The following PITPNC1 variants were observed in gnomAD, a reference collection of about 807,000 sequenced individuals.
The protein encoded by PITPNC1 is cytoplasmic phosphatidylinositol transfer protein 1.
Under a neutral mutation model 44.7 loss-of-function variants are expected in PITPNC1, and 18 were observed. The ratio of observed to expected loss-of-function variants is 0.40; its 90% CI spans 0.28 to 0.60. The LOEUF is 0.60. Among genes scored for constraint, PITPNC1 ranks in the 20% least tolerant of loss-of-function variants. The pLI, the probability that PITPNC1 is intolerant of heterozygous loss-of-function variation, is 0.39. For synonymous variants in PITPNC1, 141 were observed against 149.6 expected (o/e 0.94, Z 0.42); for missense variants, 290 against 418.4 (o/e 0.69, Z 2.68).
intron 5 of PITPNC1, among the ~76,000 whole-genome samples, chr17:67,608,317 GGCCTGAGCCCATGTGT>G (rs2041639712): frequency 6.6e-6 from 1 of 150,448 alleles, no homozygotes; most frequent in Non-Finnish European, 1.5e-5. Context: ...GCAGGAGAAT[GGCCTGAGCCCATGTGT>G]TCAAGTCCAA....
chr17:67,635,375 C>T (rs2042020932), intron 6 of PITPNC1, among the ~76,000 whole-genome samples: 1 of 152,030 alleles, frequency 6.6e-6, no homozygotes, highest in Admixed American at 6.6e-5. Context: ...ATTGGGATGG[C>T]CTTAAGGATT....
intron 2 of PITPNC1, among the ~76,000 whole-genome samples, chr17:67,536,472 C>T (rs1233299691): frequency 1.3e-5 from 2 of 152,146 alleles, no homozygotes; most frequent in African/African-American, 4.8e-5. Flanking sequence ...AATGATCCAC[C>T]AGCCTCGGCC....
chr17:67,672,787 C>T lies in PITPNC1; in HGVS notation c.619-2692C>T, dbSNP rs78911369. On this transcript the variant is annotated intron_variant, in intron 7 of 8. Transcript: ENST00000581322. ...GGAAGTGTTATTGACACTCCAGAAA[C>T]GCACCTGCTCTCGCACGTGAGTCGC... is the stretch of plus-strand genomic sequence containing the variant. 8.1e-3 allele frequency among the ~76,000 whole-genome samples: 1,239 copies of T among 152,094 alleles called. 22 individuals are homozygous for T. Among genetic ancestry groups the T allele is most frequent in the African/African-American group, 0.028 (1,155 of 41,470 alleles).
intron 8 of PITPNC1, among the ~76,000 whole-genome samples, chr17:67,680,984 A>G (rs1244186418): frequency 6.6e-6 from 1 of 152,192 alleles, no homozygotes; most frequent in Non-Finnish European, 1.5e-5. Flanking sequence ...ATAAAGTATA[A>G]TGTGCCATTT....
intron 4 of PITPNC1, among the ~76,000 whole-genome samples, chr17:67,562,382 T>C (rs971918742): frequency 2.6e-5 from 4 of 152,154 alleles, no homozygotes; most frequent in African/African-American, 9.7e-5. Flanking sequence ...TCCCTTCCTC[T>C]CACCCTCCTC....
intron 4 of PITPNC1, among the ~76,000 whole-genome samples, chr17:67,572,384 G>A (rs1428613452): frequency 1.4e-5 from 2 of 145,106 alleles, no homozygotes; most frequent in Non-Finnish European, 1.5e-5. Flanking sequence ...CCTAGTGGAA[G>A]CAAAAGTCTT....
intron 1 of PITPNC1, among the ~76,000 whole-genome samples, chr17:67,446,297 G>A (rs569129177): frequency 3.3e-4 from 50 of 151,866 alleles, no homozygotes; most frequent in Non-Finnish European, 5.5e-4. Flanking sequence ...ACAAGTGGTA[G>A]TGTGCTCCGT....
Position 67,508,753 on chromosome 17 carries a change from T to C in PITPNC1, c.49-24049T>C, listed in dbSNP as rs1384498384. ...ATAGAGTCAGAAGGTAGAATGGTGG[T>C]TGCCAGGGGCCAGAGGGGAGGGAAA... On this transcript the variant is annotated intron_variant, in intron 1 of 8. Transcript: ENST00000581322. The surrounding 1 kb of genome is among the most constrained non-coding windows in gnomAD (Gnocchi z 4.2). Among the ~76,000 whole-genome samples, 1 of 152,140 alleles carries C rather than the reference T, an allele frequency of 6.6e-6. No homozygotes were observed. The highest frequency in any genetic ancestry group is 1.5e-5 in the Non-Finnish European group (1 of 68,024).
rs1313719754 is a variant in PITPNC1 at position 67,502,744 on chromosome 17, C to CATTGCATTGCATTGT, written c.49-30054_49-30053insCATTGCATTGTATTG. 1.7e-3 allele frequency among the ~76,000 whole-genome samples: 235 copies of CATTGCATTGCATTGT among 137,914 alleles called. 1 individual carries two copies. Among genetic ancestry groups the CATTGCATTGCATTGT allele is most frequent in the African/African-American group, 5.1e-3 (177 of 34,660 alleles). 90.5% of individuals were successfully genotyped at this position (137,914 alleles called of 152,430 possible). On this transcript the variant is annotated intron_variant, in intron 1 of 8. Transcript: ENST00000581322. Reference sequence around the variant, plus strand: ...GAAGTAAGATTATTGCATTGCATTGCATTGTATTGTATTGTATTGTATTGT... The same window carrying CATTGCATTGCATTGT: ...GAAGTAAGATTATTGCATTGCATTGCATTGCATTGCATTGTATTGTATTGTATTGTATTGTATTGT...
At chr17:67,399,540 C>T (rs1193630631) in intron 1 of PITPNC1, among the ~76,000 whole-genome samples, 1 of 152,110 alleles carries the variant, frequency 6.6e-6, no homozygotes, top group Non-Finnish European at 1.5e-5. Flanking sequence ...CTTGAATTTG[C>T]TTTTTGTCTA....
At chr17:67,510,660 G>A (rs929805748) in intron 1 of PITPNC1, among the ~76,000 whole-genome samples, 3 of 152,104 alleles carry the variant, frequency 2.0e-5, no homozygotes, top group Admixed American at 6.5e-5. Flanking sequence ...GTGCAGTGGT[G>A]CGATCTCAGC....
chr17:67,599,034 A>ATATATATATTTTT (rs1461493250), intron 5 of PITPNC1, among the ~76,000 whole-genome samples: 21 of 35,666 alleles, frequency 5.9e-4, no homozygotes, highest in Non-Finnish European at 9.9e-4. Flanking sequence ...ATATATATAT[A>ATATATATATTTTT]TTTTTTTTTT....
At chr17:67,454,546 G>A (rs1315040994) in intron 1 of PITPNC1, among the ~76,000 whole-genome samples, 1 of 151,920 alleles carries the variant, frequency 6.6e-6, no homozygotes, top group Non-Finnish European at 1.5e-5. Context: ...TATGAAAACG[G>A]GTGGCAGGGC....
intron 1 of PITPNC1, among the ~76,000 whole-genome samples, chr17:67,526,577 C>T (rs368333356): frequency 8.6e-5 from 13 of 151,796 alleles, no homozygotes; most frequent in African/African-American, 3.1e-4. Flanking sequence ...AAAAAAATAA[C>T]AAAACTTAGC....
chr17:67,379,977 T>G (rs1052929923), intron 1 of PITPNC1, among the ~76,000 whole-genome samples: 1 of 152,204 alleles, frequency 6.6e-6, no homozygotes, highest in Admixed American at 6.5e-5. Context: ...ACTTTTGTTT[T>G]TGTACCGAAA....
chr17:67,692,562 C>T lies in PITPNC1; in HGVS notation c.683-10C>T, dbSNP rs765131339. ...ACTGCTCGTTTTTCTTTCTGTTTTT[C>T]TCCTTGAAGACATGACAATGGATGA... On this transcript the variant is annotated splice_polypyrimidine_tract_variant and intron_variant, in intron 8 of 8. Transcript: ENST00000581322. 5.0e-6 allele frequency: 8 copies of T among 1,593,802 alleles called. No individual in the cohort carries two copies. The South Asian group carries it at 6.6e-5, about 13-fold the overall frequency.
intron 5 of PITPNC1, among the ~76,000 whole-genome samples, chr17:67,596,174 C>T (rs1481692539): frequency 1.3e-5 from 2 of 152,108 alleles, no homozygotes; most frequent in Non-Finnish European, 2.9e-5. Flanking sequence ...TATTAAGGAA[C>T]GTCCTCGGGA....
intron 8 of PITPNC1, among the ~76,000 whole-genome samples, chr17:67,690,434 G>A (rs2042900172): frequency 8.5e-6 from 1 of 117,938 alleles, no homozygotes; most frequent in Non-Finnish European, 1.7e-5. Context: ...GGAGACAAGA[G>A]CAAAACTCTG....
intron 6 of PITPNC1, among the ~76,000 whole-genome samples, chr17:67,645,005 A>AAAT (rs2042131252): frequency 6.6e-6 from 1 of 152,124 alleles, no homozygotes; most frequent in Admixed American, 6.5e-5. Context: ...ATGGCCTCAG[A>AAAT]GCAGAGCTTC....
Sources: allele counts gnomAD v4.1 joint callset (sites outside exome capture counted in the v4.1 genomes callset), GRCh38; gene constraint gnomAD v4.1.1; non-coding constraint Gnocchi (gnomAD v3.1); transcripts MANE v1.5; gene names NCBI Gene and HGNC (gene_info 2026-07-23, HGNC 2026-07-21).